The following SHISA9 variants were observed in gnomAD, a reference collection of about 807,000 sequenced individuals.
SHISA9 encodes protein shisa-9.
SHISA9 carries 13 observed loss-of-function variants against 38.0 expected under a neutral mutation model. That is an observed-to-expected ratio of 0.34 (90% CI 0.22 to 0.54). The LOEUF (loss-of-function observed/expected upper bound fraction) is 0.54, where lower values mean the gene tolerates loss of function less well. Among genes scored for constraint, SHISA9 ranks in the 20% least tolerant of loss-of-function variants. SHISA9 has a pLI of 0.91. For synonymous variants in SHISA9, 275 were observed against 242.0 expected, an observed-to-expected ratio of 1.14 and a Z score of -1.27; for missense variants, 538 against 575.8, an observed-to-expected ratio of 0.93 and a Z score of 0.67.
At chr16:12,978,490 G>C (rs1353347518) in intron 2 of SHISA9, among the ~76,000 whole-genome samples, 1 of 152,242 alleles carries the variant, frequency 6.6e-6, no homozygotes, top group Non-Finnish European at 1.5e-5. Flanking sequence ...TAGGCAGTGA[G>C]TGCATTTCCA....
the SHISA9 span, among the ~76,000 whole-genome samples, chr16:13,363,043 CAG>C: frequency 5.3e-5 from 8 of 152,302 alleles, no homozygotes; most frequent in South Asian, 6.2e-4. Context: ...TCATTGAACT[CAG>C]AAAACTAGAA....
At chr16:13,372,387 C>G in the SHISA9 span, among the ~76,000 whole-genome samples, 1 of 152,190 alleles carries the variant, frequency 6.6e-6, no homozygotes, top group Non-Finnish European at 1.5e-5. Context: ...TTCAGTCTAT[C>G]TAAGGTAAGT....
At chr16:13,257,107 G>T in the SHISA9 span, among the ~76,000 whole-genome samples, 1 of 152,306 alleles carries the variant, frequency 6.6e-6, no homozygotes, top group East Asian at 1.9e-4. Flanking sequence ...TAGGAGCAGA[G>T]ATGAGAGTAG....
chr16:13,000,006 T>A (rs2072504289), intron 2 of SHISA9, among the ~76,000 whole-genome samples: 2 of 152,238 alleles, frequency 1.3e-5, no homozygotes, highest in South Asian at 4.1e-4. Context: ...CCATTCGTCT[T>A]GAATTTCTCA....
At chr16:13,353,134 G>C in the SHISA9 span, among the ~76,000 whole-genome samples, 1 of 152,126 alleles carries the variant, frequency 6.6e-6, no homozygotes, top group African/African-American at 2.4e-5. Flanking sequence ...GCTGCTTCAA[G>C]CGGGATTGGG....
chr16:13,341,056 A>G, the SHISA9 span, among the ~76,000 whole-genome samples: 3 of 152,144 alleles, frequency 2.0e-5, no homozygotes, highest in African/African-American at 7.2e-5. Flanking sequence ...TTTGATTAAT[A>G]ACTGTCTTTC....
the SHISA9 span, among the ~76,000 whole-genome samples, chr16:13,420,071 C>T: frequency 6.6e-6 from 1 of 151,812 alleles, no homozygotes; most frequent in Non-Finnish European, 1.5e-5. Context: ...CATGGCGAAA[C>T]CCCGTCTCTA....
At chr16:13,324,991 A>G in the SHISA9 span, among the ~76,000 whole-genome samples, 1 of 152,202 alleles carries the variant, frequency 6.6e-6, no homozygotes, top group Non-Finnish European at 1.5e-5. Context: ...CAGCATAAAG[A>G]AATGCTTGAG....
intron 2 of SHISA9, among the ~76,000 whole-genome samples, chr16:13,186,979 G>A (rs1006783646): frequency 2.6e-5 from 4 of 152,188 alleles, no homozygotes; most frequent in African/African-American, 9.7e-5. Context: ...TCTGTCGATG[G>A]ACACGTGGGT....
At chr16:13,422,505 G>A in the SHISA9 span, among the ~76,000 whole-genome samples, 10 of 152,088 alleles carry the variant, frequency 6.6e-5, no homozygotes, top group Admixed American at 3.9e-4. Context: ...AGACCAGCCC[G>A]GCCAACATGG....
At chr16:13,093,277 T>G (rs2073793873) in intron 2 of SHISA9, among the ~76,000 whole-genome samples, 1 of 152,210 alleles carries the variant, frequency 6.6e-6, no homozygotes. Flanking sequence ...TGCCTGTCAC[T>G]ATAACTGTTG....
the SHISA9 span, among the ~76,000 whole-genome samples, chr16:13,472,175 T>C: frequency 6.6e-6 from 1 of 152,126 alleles, no homozygotes; most frequent in African/African-American, 2.4e-5. Context: ...ATGTGAATAA[T>C]TGAAGCAATG....
the SHISA9 span, among the ~76,000 whole-genome samples, chr16:13,253,207 T>G: frequency 4.6e-5 from 7 of 152,246 alleles, no homozygotes; most frequent in Non-Finnish European, 1.0e-4. Flanking sequence ...TGGTCAATAA[T>G]AGGCTACTAC....
intron 2 of SHISA9, among the ~76,000 whole-genome samples, chr16:12,937,306 C>T (rs533922933): frequency 4.9e-4 from 75 of 152,276 alleles, no homozygotes; most frequent in African/African-American, 1.7e-3. Context: ...TATTCAAGGA[C>T]GTGAAGCAAA....
chr16:13,373,153 C>A, the SHISA9 span, among the ~76,000 whole-genome samples: 1 of 152,040 alleles, frequency 6.6e-6, no homozygotes, highest in Non-Finnish European at 1.5e-5. Context: ...TTAGTTGCTC[C>A]CCTGACTCCA....
chr16:13,134,693 G>C (rs148291917), intron 2 of SHISA9, among the ~76,000 whole-genome samples: 1 of 152,104 alleles, frequency 6.6e-6, no homozygotes, highest in East Asian at 1.9e-4. Flanking sequence ...TTTATGCCTC[G>C]TAGTTGATGA....
the SHISA9 span, among the ~76,000 whole-genome samples, chr16:13,306,036 G>A: frequency 1.3e-5 from 2 of 152,326 alleles, no homozygotes; most frequent in African/African-American, 2.4e-5. Flanking sequence ...CTAGAAGTGT[G>A]TGCAAGGTAC....
the SHISA9 span, among the ~76,000 whole-genome samples, chr16:13,395,431 C>A: frequency 6.6e-6 from 1 of 152,210 alleles, no homozygotes; most frequent in Non-Finnish European, 1.5e-5. Flanking sequence ...TGCTCAAGGT[C>A]TCATATGGCT....
At chr16:13,168,185 A>T (rs1379319331) in intron 2 of SHISA9, among the ~76,000 whole-genome samples, 1 of 152,160 alleles carries the variant, frequency 6.6e-6, no homozygotes, top group Non-Finnish European at 1.5e-5. Context: ...CACCTCCGTT[A>T]TGGGCTGACT....
Sources: gnomAD v4.1 joint callset for allele counts (sites outside exome capture counted in the v4.1 genomes callset) on GRCh38, gnomAD v4.1.1 for gene constraint, MANE v1.5 for transcripts, NCBI Gene and HGNC (gene_info 2026-07-23, HGNC 2026-07-21) for gene names.